The following IQGAP2 variants were observed in gnomAD, a reference collection of about 807,000 sequenced individuals.
IQGAP2 encodes IQ motif containing GTPase activating protein 2.
IQGAP2 carries 173 observed loss-of-function variants against 201.3 expected under a neutral mutation model. That is an observed-to-expected ratio of 0.86 (90% CI 0.76 to 0.98). The LOEUF is 0.98. IQGAP2 is among the 50% of genes least tolerant of loss of function. IQGAP2 has a pLI of 0.00. For synonymous variants in IQGAP2, 675 were observed against 673.9 expected, an observed-to-expected ratio of 1.00 and a Z score of -0.03; for missense variants, 1,687 against 1,864.8, an observed-to-expected ratio of 0.90 and a Z score of 1.76.
rs1038769273 is a variant in IQGAP2 at position 76,668,597 on chromosome 5, CA to C, written c.2680-83del. 4.6e-6 allele frequency: 5 copies of C among 1,079,152 alleles called. No homozygotes were observed. The African/African-American group carries it at 8.0e-5, about 17-fold the overall frequency. 66.8% of individuals were successfully genotyped at this position (1,079,152 alleles called of 1,614,324 possible). A position where few individuals can be genotyped will look rare whatever the true frequency, so the allele number is the denominator to read the frequency against. On this transcript the variant is annotated intron_variant, in intron 22 of 35. Coordinates refer to ENST00000274364, the MANE Select transcript of IQGAP2 (RefSeq NM_006633.5). ...ATTAAGTCATTGAAGAGCAGGGAATCAGATACTGCTTTGTGCTTTAATAATA... is the reference window on the plus strand; with the variant it reads ...ATTAAGTCATTGAAGAGCAGGGAATCGATACTGCTTTGTGCTTTAATAATA...
chr5:76,463,198 A>G (rs1754583591), intron 2 of IQGAP2, among the ~76,000 whole-genome samples: 1 of 151,964 alleles, frequency 6.6e-6, no homozygotes, highest in Non-Finnish European at 1.5e-5. Flanking sequence ...GAATAAGTTC[A>G]AGGAGATAGT....
intron 30 of IQGAP2, among the ~76,000 whole-genome samples, chr5:76,685,250 G>A (rs1692598213): frequency 6.6e-6 from 1 of 152,152 alleles, no homozygotes; most frequent in Non-Finnish European, 1.5e-5. Flanking sequence ...TACACCCTGG[G>A]TTCCTCTGAA....
intron 15 of IQGAP2, among the ~76,000 whole-genome samples, chr5:76,636,213 A>G (rs1642549083): frequency 6.6e-6 from 1 of 152,254 alleles, no homozygotes; most frequent in African/African-American, 2.4e-5. Flanking sequence ...CAGTTGACTT[A>G]GCTTAGTCTA....
chr5:76,480,732 T>C (rs137988839), intron 2 of IQGAP2, among the ~76,000 whole-genome samples: 8 of 152,340 alleles, frequency 5.3e-5, no homozygotes, highest in African/African-American at 1.9e-4. Flanking sequence ...TGAGTTGTCA[T>C]GTAAATGAAA....
intron 2 of IQGAP2, among the ~76,000 whole-genome samples, chr5:76,553,024 G>C (rs572486984): frequency 6.6e-6 from 1 of 152,318 alleles, no homozygotes; most frequent in Admixed American, 6.5e-5. Context: ...AATAAGTTTT[G>C]TATGAGAGAA....
In IQGAP2 at chr5:76,492,101, C is replaced by G. The variant is rs555815836; in HGVS notation, c.146+30432C>G. On this transcript the variant is annotated intron_variant, in intron 2 of 35. Transcript: ENST00000274364. Reference sequence around the variant, plus strand: ...AAGCAGGTTATCAGTAAATGTTGATCAACTGTATGAATCTGCTGAGGTTGT... The same window carrying G: ...AAGCAGGTTATCAGTAAATGTTGATGAACTGTATGAATCTGCTGAGGTTGT... 1.9e-3 allele frequency among the ~76,000 whole-genome samples: 288 copies of G among 152,264 alleles called. 2 individuals are homozygous for G. Among genetic ancestry groups the G allele is most frequent in the Non-Finnish European group, 3.3e-3 (225 of 68,026 alleles).
chr5:76,655,986 C>A (rs560881129), intron 20 of IQGAP2, among the ~76,000 whole-genome samples: 1 of 152,200 alleles, frequency 6.6e-6, no homozygotes, highest in South Asian at 2.1e-4. Flanking sequence ...TTAGCCAGCA[C>A]CTTTTATTGT....
intron 2 of IQGAP2, among the ~76,000 whole-genome samples, chr5:76,528,073 C>T (rs569614939): frequency 1.6e-4 from 25 of 152,236 alleles, no homozygotes; most frequent in Non-Finnish European, 2.8e-4. Context: ...TTTATCTTAG[C>T]GACCTTGTTC....
chr5:76,656,210 T>C (rs568138365), intron 20 of IQGAP2, among the ~76,000 whole-genome samples: 1 of 89,870 alleles, frequency 1.1e-5, no homozygotes, highest in South Asian at 6.5e-4. Flanking sequence ...TTTTTTTGTT[T>C]GTTTTTTGTT....
intron 19 of IQGAP2, 109 bp downstream of exon 19, chr5:76,654,380 TAAG>T: frequency 1.5e-6 from 1 of 666,346 alleles, no homozygotes; most frequent in East Asian, 2.8e-5. Context: ...CATGAACACT[TAAG>T]AAATAATGGA....
chr5:76,699,801 TTCTCTCTCTCTCTCTCTC>T (rs1197754030), intron 33 of IQGAP2, among the ~76,000 whole-genome samples: 1 of 1,344 alleles, frequency 7.4e-4, no homozygotes, highest in Non-Finnish European at 1.7e-3. Context: ...TTCTTTCTGT[TTCTCTCTCTCTCTCTCTC>T]TCTCTCTCTC....
At chr5:76,513,303 C>T (rs1014730440) in intron 2 of IQGAP2, among the ~76,000 whole-genome samples, 7 of 152,104 alleles carry the variant, frequency 4.6e-5, no homozygotes, top group Admixed American at 2.0e-4. Flanking sequence ...TTTTTAAGAA[C>T]CCTTGAGATT....
intron 1 of IQGAP2, among the ~76,000 whole-genome samples, chr5:76,412,802 T>C (rs1751194201): frequency 6.6e-6 from 1 of 152,244 alleles, no homozygotes; most frequent in African/African-American, 2.4e-5. Context: ...ACATTAAATG[T>C]TGAGTTTAGA....
At chr5:76,508,637 G>A (rs1323303124) in intron 2 of IQGAP2, among the ~76,000 whole-genome samples, 1 of 151,050 alleles carries the variant, frequency 6.6e-6, no homozygotes, top group Non-Finnish European at 1.5e-5. Flanking sequence ...GAGCCCAGGT[G>A]TTTGAAACCA....
intron 3 of IQGAP2, among the ~76,000 whole-genome samples, chr5:76,565,929 GGTACTCTTAATAAA>G (rs1053200615): frequency 2.0e-5 from 3 of 152,046 alleles, no homozygotes; most frequent in African/African-American, 7.3e-5. Context: ...CCCAGGAAGC[GGTACTCTTAATAAA>G]TCACCTGCAG....
At chr5:76,473,691 C>G (rs1755252159) in intron 2 of IQGAP2, among the ~76,000 whole-genome samples, 1 of 152,218 alleles carries the variant, frequency 6.6e-6, no homozygotes, top group South Asian at 2.1e-4. Flanking sequence ...ATTCTGTTCT[C>G]TTCACCCAAG....
At chr5:76,415,018 C>T (rs1353479533) in intron 1 of IQGAP2, among the ~76,000 whole-genome samples, 3 of 152,206 alleles carry the variant, frequency 2.0e-5, no homozygotes, top group Non-Finnish European at 4.4e-5. Context: ...GGGACATCCT[C>T]ATCCTGTGGA....
intron 1 of IQGAP2, among the ~76,000 whole-genome samples, chr5:76,444,352 G>A (rs536870602): frequency 6.0e-4 from 91 of 152,336 alleles, no homozygotes; most frequent in Non-Finnish European, 3.5e-4. Context: ...AGGCTGGAGT[G>A]CAATGGCACA....
chr5:76,418,202 G>T (rs1180737981), intron 1 of IQGAP2, among the ~76,000 whole-genome samples: 2 of 93,160 alleles, frequency 2.1e-5, no homozygotes, highest in East Asian at 4.4e-4. Flanking sequence ...GAGAGACTCC[G>T]TCTCAAAAAA....
Sources: allele counts gnomAD v4.1 joint callset (sites outside exome capture counted in the v4.1 genomes callset), GRCh38; gene constraint gnomAD v4.1.1; transcripts MANE v1.5; gene names NCBI Gene and HGNC (gene_info 2026-07-23, HGNC 2026-07-21).